The following MBTPS1 variants were observed in gnomAD, a reference collection of about 807,000 sequenced individuals.
MBTPS1 encodes membrane-bound transcription factor site-1 protease.
A neutral mutation model predicts 127.8 loss-of-function variants in MBTPS1; 94 were observed. That is an observed-to-expected ratio of 0.74 (90% CI 0.62 to 0.87). The LOEUF (loss-of-function observed/expected upper bound fraction) is 0.87, where lower values mean the gene tolerates loss of function less well. MBTPS1 is among the 40% of genes least tolerant of loss of function. MBTPS1 has a pLI of 0.00. For missense variants in MBTPS1, 1,636 were observed against 1,353.2 expected, an observed-to-expected ratio of 1.21 and a Z score of -3.28; for synonymous variants, 632 against 509.4, an observed-to-expected ratio of 1.24 and a Z score of -3.24.
intron 6 of MBTPS1, among the ~76,000 whole-genome samples, chr16:84,092,578 A>T (rs1010683051): frequency 6.6e-6 from 1 of 152,212 alleles, no homozygotes; most frequent in Non-Finnish European, 1.5e-5. Flanking sequence ...CTGGACGGGG[A>T]CAGGGGTGGG....
chr16:84,062,454 G>C (rs1434361050), intron 19 of MBTPS1, among the ~76,000 whole-genome samples: 1 of 152,158 alleles, frequency 6.6e-6, no homozygotes, highest in African/African-American at 2.4e-5. Context: ...TCCCAGTCTA[G>C]GGATTTACAT....
intron 3 of MBTPS1, among the ~76,000 whole-genome samples, chr16:84,096,237 G>A (rs966702084): frequency 6.6e-6 from 1 of 152,082 alleles, no homozygotes; most frequent in Non-Finnish European, 1.5e-5. Flanking sequence ...TTCTTGGGCA[G>A]GCAAAAGCCA....
At chr16:84,065,318 T>C (rs2151144222) in intron 18 of MBTPS1, among the ~76,000 whole-genome samples, 2 of 152,234 alleles carry the variant, frequency 1.3e-5, no homozygotes, top group East Asian at 1.9e-4. Context: ...AGGGTTTCAC[T>C]GTGTTAGCCA....
At chr16:84,066,357 C>G in intron 17 of MBTPS1, 132 bp downstream of exon 17, 1 of 894,326 alleles carries the variant, frequency 1.1e-6, no homozygotes, top group Middle Eastern at 2.3e-4. Context: ...TTTGAAAATA[C>G]TGGTGAGTTC....
intron 3 of MBTPS1, among the ~76,000 whole-genome samples, chr16:84,097,056 G>C (rs1567498763): frequency 6.6e-6 from 1 of 152,164 alleles, no homozygotes; most frequent in East Asian, 1.9e-4. Flanking sequence ...AGCCTGGAGA[G>C]AAAAAATTGC....
intron 14 of MBTPS1, 119 bp downstream of exon 14, chr16:84,069,747 C>T (rs2085742651): frequency 1.1e-6 from 1 of 947,996 alleles, no homozygotes; most frequent in Non-Finnish European, 1.6e-6. Context: ...ATCTCAGCGT[C>T]ATCAGAGTCC....
chr16:84,085,485 G>A (rs2086007080), intron 9 of MBTPS1, among the ~76,000 whole-genome samples: 1 of 151,680 alleles, frequency 6.6e-6, no homozygotes, highest in Non-Finnish European at 1.5e-5. Context: ...AGCCCGGGAG[G>A]TCAAGGCTGC....
intron 4 of MBTPS1, among the ~76,000 whole-genome samples, chr16:84,094,270 T>C (rs1211736765): frequency 6.6e-6 from 1 of 152,030 alleles, no homozygotes; most frequent in Admixed American, 6.6e-5. Flanking sequence ...GACACAAAAA[T>C]GGGAAAAGGG....
At chr16:84,065,818 A>C in intron 17 of MBTPS1, 51 bp from the exon 18 acceptor site, 1 of 1,059,386 alleles carries the variant, frequency 9.4e-7, no homozygotes. Flanking sequence ...CGAACACTTT[A>C]ATAAATAATA....
At chr16:84,067,058 T>C (rs2085695383) in intron 16 of MBTPS1, among the ~76,000 whole-genome samples, 1 of 152,148 alleles carries the variant, frequency 6.6e-6, no homozygotes, top group African/African-American at 2.4e-5. Context: ...TTAATTACTA[T>C]AAATATAAGT....
chr16:84,070,527 C>T (rs2085754372), intron 13 of MBTPS1, 61 bp downstream of exon 13: 3 of 1,554,760 alleles, frequency 1.9e-6, no homozygotes, highest in African/African-American at 1.4e-5. Flanking sequence ...TTGGCCTGTC[C>T]CTCCCTGAAA....
intron 12 of MBTPS1, 125 bp from the exon 13 acceptor site, chr16:84,070,901 A>G: frequency 1.4e-6 from 1 of 702,942 alleles, no homozygotes; most frequent in South Asian, 2.0e-5. Context: ...ATAGGGAAAA[A>G]TAAAATTTAT....
intron 17 of MBTPS1, among the ~76,000 whole-genome samples, chr16:84,066,221 G>A (rs998174943): frequency 6.6e-6 from 1 of 152,196 alleles, no homozygotes; most frequent in Non-Finnish European, 1.5e-5. Context: ...AAGAAGCTGT[G>A]AGGTAGTTCC....
chr16:84,093,902 C>CATAT, intron 4 of MBTPS1, 81 bp from the exon 5 acceptor site: 1 of 984,784 alleles, frequency 1.0e-6, no homozygotes, highest in Non-Finnish European at 1.6e-6. Flanking sequence ...ACATTCCTTC[C>CATAT]TGGGACCCAC....
In MBTPS1 at chr16:84,100,390, C is replaced by CA. The variant is rs766203799; in HGVS notation, c.164-1081dup. ...AGAAACGCAGTCTCTACTAAAAAGA[C>CA]AAAATTAGCCGGGCATGGTGGCACA... On this transcript the variant is annotated intron_variant, in intron 2 of 22. Transcript: ENST00000343411. 4.2e-4 allele frequency among the ~76,000 whole-genome samples: 64 copies of CA among 152,080 alleles called. 1 individual carries two copies. The highest frequency in any genetic ancestry group is 4.1e-4 in the South Asian group (2 of 4,820).
intron 1 of MBTPS1, among the ~76,000 whole-genome samples, chr16:84,111,412 G>C (rs2086394754): frequency 6.6e-6 from 1 of 152,038 alleles, no homozygotes; most frequent in African/African-American, 2.4e-5. Flanking sequence ...ATGGTGGTGG[G>C]TGCCTGTAAT....
chr16:84,109,284 G>A (rs367777229), intron 1 of MBTPS1, among the ~76,000 whole-genome samples: 20 of 152,262 alleles, frequency 1.3e-4, no homozygotes, highest in African/African-American at 4.1e-4. Context: ...AACAAAATCC[G>A]GGACAATCTG....
intron 15 of MBTPS1, 137 bp from the exon 16 acceptor site, chr16:84,067,960 T>C: frequency 2.7e-6 from 2 of 735,856 alleles, no homozygotes; most frequent in East Asian, 5.4e-5. Context: ...CTGTACCACT[T>C]TAAAAGGGAC....
At position 84,100,917 on chromosome 16, in the gene MBTPS1, G is replaced by A. The variant is rs1162847882; in HGVS notation, c.163+704C>T. Among the ~76,000 whole-genome samples, 12 of 151,260 alleles carry A rather than the reference G, an allele frequency of 7.9e-5. 1 individual carries two copies. Among genetic ancestry groups the A allele is most frequent in the Non-Finnish European group, 1.5e-5 (1 of 67,970 alleles). Reference sequence around the variant, plus strand: ...TGCCTGTAATCCCAGCACTTTGGGAGGCCAAGGAGGGTGATCACTTGAGGT... The same window carrying A: ...TGCCTGTAATCCCAGCACTTTGGGAAGCCAAGGAGGGTGATCACTTGAGGT... On this transcript the variant is annotated intron_variant, in intron 2 of 22. Coordinates refer to ENST00000343411, the MANE Select transcript of MBTPS1 (RefSeq NM_003791.4).
Sources: gnomAD v4.1 joint callset for allele counts (sites outside exome capture counted in the v4.1 genomes callset) on GRCh38, gnomAD v4.1.1 for gene constraint, MANE v1.5 for transcripts, NCBI Gene and HGNC (gene_info 2026-07-23, HGNC 2026-07-21) for gene names.